SPAG16: variants seen among roughly 807,000 people sequenced by gnomAD.
SPAG16 encodes the protein sperm associated antigen 16, also known as sperm-associated antigen 16 protein.
Under a neutral mutation model 80.4 loss-of-function variants are expected in SPAG16, and 86 were observed. The observed-to-expected ratio is 1.07, with a 90% CI of 0.90 to 1.28. SPAG16 has a LOEUF of 1.28. Ranked by LOEUF, SPAG16 falls within the 50% of genes most tolerant of loss-of-function variation. The probability of loss-of-function intolerance (pLI) is 0.00; values close to 1 mark genes in which losing one functional copy is unlikely to be tolerated. For synonymous variants in SPAG16, 294 were observed against 265.9 expected, an observed-to-expected ratio of 1.11 and a Z score of -1.03; for missense variants, 870 against 765.3, an observed-to-expected ratio of 1.14 and a Z score of -1.61.
At chr2:213,502,657 A>G (rs979461812) in intron 10 of SPAG16, among the ~76,000 whole-genome samples, 2 of 152,190 alleles carry the variant, frequency 1.3e-5, no homozygotes, top group African/African-American at 2.4e-5. Flanking sequence ...CATTTTTTGA[A>G]AAGTTGAACC....
intron 15 of SPAG16, among the ~76,000 whole-genome samples, chr2:214,211,691 A>G (rs540620721): frequency 6.6e-6 from 1 of 152,306 alleles, no homozygotes; most frequent in South Asian, 2.1e-4. Context: ...CTATCTCCCT[A>G]GTGGTCCAAG....
At chr2:214,340,696 T>C (rs960599012) in intron 15 of SPAG16, among the ~76,000 whole-genome samples, 4 of 152,064 alleles carry the variant, frequency 2.6e-5, no homozygotes, top group Non-Finnish European at 5.9e-5. Flanking sequence ...TGGTCAGGAG[T>C]CCATTATGGC....
intron 11 of SPAG16, among the ~76,000 whole-genome samples, chr2:213,923,580 T>A (rs2078322077): frequency 6.6e-6 from 1 of 152,172 alleles, no homozygotes; most frequent in South Asian, 2.1e-4. Context: ...CTATCATGTG[T>A]CGCTTGCCTG....
chr2:214,250,746 A>ATG (rs1690207826), intron 15 of SPAG16, among the ~76,000 whole-genome samples: 1 of 96,498 alleles, frequency 1.0e-5, no homozygotes, highest in South Asian at 3.9e-4. Context: ...ATATATATAT[A>ATG]TATATATATA....
At chr2:214,302,623 G>C (rs1694631621) in intron 15 of SPAG16, among the ~76,000 whole-genome samples, 1 of 152,004 alleles carries the variant, frequency 6.6e-6, no homozygotes, top group South Asian at 2.1e-4. Flanking sequence ...TGGAATTATA[G>C]GTGTGCACCA....
intron 15 of SPAG16, among the ~76,000 whole-genome samples, chr2:214,381,135 A>G (rs572981396): frequency 6.6e-6 from 1 of 152,186 alleles, no homozygotes; most frequent in Admixed American, 6.5e-5. Context: ...GAAAGTATTG[A>G]TTAGCATGAT....
At chr2:214,219,782 T>A (rs534629189) in intron 15 of SPAG16, among the ~76,000 whole-genome samples, 2 of 152,250 alleles carry the variant, frequency 1.3e-5, no homozygotes, top group South Asian at 4.1e-4. Context: ...CTTATTCAAA[T>A]TTGCTCTCAC....
chr2:213,396,792 ACACC>A (rs1453451944), intron 9 of SPAG16: 1 of 373,596 alleles, frequency 2.7e-6, no homozygotes, highest in Non-Finnish European at 5.5e-6. Flanking sequence ...CCTTTCGTCA[ACACC>A]CATACCCTTT....
At chr2:213,810,723 G>C (rs2072081437) in intron 10 of SPAG16, among the ~76,000 whole-genome samples, 1 of 152,154 alleles carries the variant, frequency 6.6e-6, no homozygotes, top group South Asian at 2.1e-4. Context: ...TTAGTTTCGT[G>C]GTGCGGAAGT....
chr2:213,440,109 T>TTG (rs61263090), intron 9 of SPAG16, among the ~76,000 whole-genome samples: 11,250 of 151,724 alleles, frequency 0.074, 1,360 homozygotes, highest in African/African-American at 0.25. Context: ...TCCTGCAGTT[T>TTG]TGTGTGTGTG....
At chr2:214,298,758 A>G (rs1694330362) in intron 15 of SPAG16, among the ~76,000 whole-genome samples, 2 of 152,074 alleles carry the variant, frequency 1.3e-5, no homozygotes, top group East Asian at 1.9e-4. Context: ...AGTTTTCCCT[A>G]GGCTCGATTT....
At position 214,336,483 on chromosome 2, in the gene SPAG16, G is replaced by C. The variant is rs187884616; in HGVS notation, c.1721-73657G>C. Among the ~76,000 whole-genome samples, 107 of 152,174 alleles carry C rather than the reference G, an allele frequency of 7.0e-4. 1 individual carries two copies. Among genetic ancestry groups the C allele is most frequent in the Non-Finnish European group, 1.3e-3 (86 of 67,996 alleles). On this transcript the variant is annotated intron_variant, in intron 15 of 15. Coordinates refer to ENST00000331683, the MANE Select transcript of SPAG16 (RefSeq NM_024532.5). ...CTAGTGTATACCTTTTTGGAGATTA[G>C]AAAAATAGGTTGAAGAACACAAATG... is the stretch of plus-strand genomic sequence containing the variant.
At chr2:213,681,565 G>A (rs1019259176) in intron 10 of SPAG16, among the ~76,000 whole-genome samples, 1 of 152,108 alleles carries the variant, frequency 6.6e-6, no homozygotes, top group Non-Finnish European at 1.5e-5. Flanking sequence ...GGTTATGAAT[G>A]AGCTGCTTCT....
At chr2:213,533,053 A>G (rs2076124990) in intron 10 of SPAG16, among the ~76,000 whole-genome samples, 1 of 152,164 alleles carries the variant, frequency 6.6e-6, no homozygotes, top group Non-Finnish European at 1.5e-5. Context: ...AATGCAACTC[A>G]TTATTCTTAG....
At chr2:214,126,024 T>C (rs2054463418) in intron 14 of SPAG16, among the ~76,000 whole-genome samples, 1 of 10,530 alleles carries the variant, frequency 9.5e-5, no homozygotes, top group Non-Finnish European at 2.9e-4. Context: ...CCTTCCTTCC[T>C]TCCTTCCTTC....
chr2:213,791,958 T>A (rs1299417890), intron 10 of SPAG16, among the ~76,000 whole-genome samples: 1 of 152,176 alleles, frequency 6.6e-6, no homozygotes, highest in Non-Finnish European at 1.5e-5. Flanking sequence ...AAAGACTGAG[T>A]ATTTTGCAAC....
At chr2:213,833,459 T>C (rs867568053) in intron 10 of SPAG16, among the ~76,000 whole-genome samples, 2 of 15,040 alleles carry the variant, frequency 1.3e-4, no homozygotes, top group African/African-American at 7.6e-4. Context: ...ATATATTATA[T>C]ATATATTATA....
At chr2:213,549,399 G>A (rs940552571) in intron 10 of SPAG16, among the ~76,000 whole-genome samples, 3 of 152,006 alleles carry the variant, frequency 2.0e-5, no homozygotes, top group Admixed American at 6.6e-5. Context: ...TCATCAACAT[G>A]TCTAAAATTT....
chr2:214,154,505 C>G (rs890798115), intron 15 of SPAG16, among the ~76,000 whole-genome samples: 2 of 142,066 alleles, frequency 1.4e-5, no homozygotes, highest in South Asian at 5.0e-4. Context: ...CAGACCCCCC[C>G]CCCCCATTTT....
Sources: gnomAD v4.1 joint callset for allele counts (sites outside exome capture counted in the v4.1 genomes callset) on GRCh38, gnomAD v4.1.1 for gene constraint, MANE v1.5 for transcripts, NCBI Gene and HGNC (gene_info 2026-07-23, HGNC 2026-07-21) for gene names.